Variants in PID1 observed in about 807,000 individuals in gnomAD.
PID1 encodes PTB-containing, cubilin and LRP1-interacting protein.
Under a neutral mutation model 19.1 loss-of-function variants are expected in PID1, and 10 were observed. The observed-to-expected ratio is 0.52, with a 90% CI of 0.32 to 0.89. The LOEUF is 0.89. PID1 is among the 40% of genes least tolerant of loss of function. The probability of loss-of-function intolerance (pLI) is 0.03; values close to 1 mark genes in which losing one functional copy is unlikely to be tolerated. For synonymous variants in PID1, 130 were observed against 116.0 expected (o/e 1.12, Z -0.78); for missense variants, 248 against 285.3 (o/e 0.87, Z 0.94).
chr2:229,157,337 G>C lies in PID1; in HGVS notation c.31-1373C>G, dbSNP rs370790663. Among the ~76,000 whole-genome samples the C allele has an allele frequency of 2.1e-4, 32 of 152,008 alleles. No homozygotes were observed. In the South Asian group the frequency reaches 5.0e-3, roughly 24 times the overall value. ...CCTAGCTACTTGGGAAGCTGAGGCA[G>C]GAGAATCGCTTGAACCTGGGAGGCG... On this transcript the variant is annotated intron_variant, in intron 1 of 2. Transcript: ENST00000392055.
intron 2 of PID1, among the ~76,000 whole-genome samples, chr2:229,137,730 C>G (rs1689885523): frequency 1.3e-5 from 2 of 152,180 alleles, no homozygotes; most frequent in Admixed American, 1.3e-4. Context: ...GCATCTGCTT[C>G]AATTATGCAT....
intron 1 of PID1, among the ~76,000 whole-genome samples, chr2:229,190,650 G>T (rs886186053): frequency 1.3e-5 from 2 of 152,252 alleles, no homozygotes; most frequent in Admixed American, 6.5e-5. Flanking sequence ...ACAGCTCATA[G>T]TTGACTGCTG....
At chr2:229,226,992 T>C (rs1480079425) in intron 1 of PID1, among the ~76,000 whole-genome samples, 2 of 152,188 alleles carry the variant, frequency 1.3e-5, no homozygotes, top group African/African-American at 2.4e-5. Flanking sequence ...CCATGCAAAA[T>C]TTTCAAGAAG....
At chr2:229,247,921 T>G (rs891326071) in intron 1 of PID1, among the ~76,000 whole-genome samples, 1 of 152,188 alleles carries the variant, frequency 6.6e-6, no homozygotes, top group Admixed American at 6.5e-5. Context: ...TCATTCTCAC[T>G]TATTCACTTT....
At chr2:229,270,869 A>G (rs1381606364) in intron 1 of PID1, 145 bp downstream of exon 1, 1 of 664,182 alleles carries the variant, frequency 1.5e-6, no homozygotes, top group Non-Finnish European at 2.5e-6. Flanking sequence ...GGCGCTGGGT[A>G]AACCGACAGC....
Position 229,116,015 on chromosome 2 carries a change from T to C in PID1, c.177+39803A>G, listed in dbSNP as rs1336558368. Among the ~76,000 whole-genome samples, 4 of 151,896 alleles carry C rather than the reference T, an allele frequency of 2.6e-5. No homozygotes were observed. In the East Asian group the frequency reaches 7.7e-4, roughly 29 times the overall value. On this transcript the variant is annotated intron_variant, in intron 2 of 2. Coordinates refer to ENST00000392055, the MANE Select transcript of PID1 (RefSeq NM_001100818.2). The stretch of plus-strand genomic sequence containing the variant: ...GTGGGCAGATCACGAGTTCAGGAGA[T>C]GGAGACGACCATCCTGGCTAACACG...
chr2:229,168,687 CA>C, intron 1 of PID1, among the ~76,000 whole-genome samples: 1 of 152,022 alleles, frequency 6.6e-6, no homozygotes, highest in South Asian at 2.1e-4. Flanking sequence ...CTGGTTCTAT[CA>C]ACAGCTTTTT....
intron 1 of PID1, among the ~76,000 whole-genome samples, chr2:229,180,619 G>A (rs1690919658): frequency 6.6e-6 from 1 of 152,188 alleles, no homozygotes; most frequent in Non-Finnish European, 1.5e-5. Flanking sequence ...CACCTAGCAA[G>A]CCCTCTGAAG....
intron 2 of PID1, among the ~76,000 whole-genome samples, chr2:229,091,026 T>G (rs1004959714): frequency 6.6e-6 from 1 of 152,204 alleles, no homozygotes; most frequent in African/African-American, 2.4e-5. Context: ...TTCTCTCTGT[T>G]TCTCCTGTGT....
chr2:229,030,953 C>T (rs1427702876), intron 2 of PID1, among the ~76,000 whole-genome samples: 8 of 152,148 alleles, frequency 5.3e-5, no homozygotes, highest in Admixed American at 1.3e-4. Flanking sequence ...TGCAGTGGCT[C>T]ACACCTATAA....
At chr2:229,054,797 T>C (rs1574590026) in intron 2 of PID1, among the ~76,000 whole-genome samples, 1 of 151,808 alleles carries the variant, frequency 6.6e-6, no homozygotes, top group East Asian at 1.9e-4. Flanking sequence ...AATCTGCTTT[T>C]TGGATTTTCC....
At chr2:229,132,887 C>T (rs1040698767) in intron 2 of PID1, among the ~76,000 whole-genome samples, 2 of 152,028 alleles carry the variant, frequency 1.3e-5, no homozygotes, top group African/African-American at 4.8e-5. Flanking sequence ...TCTAAATATG[C>T]TTTCATAAAT....
intron 2 of PID1, among the ~76,000 whole-genome samples, chr2:229,029,758 T>C (rs60651819): frequency 0.45 from 67,575 of 150,578 alleles, 15,222 homozygotes; most frequent in African/African-American, 0.5. Context: ...GAGAATCGCT[T>C]GAAACCGGGA....
At chr2:229,084,259 G>C (rs1411931170) in intron 2 of PID1, among the ~76,000 whole-genome samples, 1 of 152,142 alleles carries the variant, frequency 6.6e-6, no homozygotes, top group African/African-American at 2.4e-5. Flanking sequence ...AAGTCTTCTT[G>C]CTATTGGCCA....
chr2:229,141,871 C>T (rs546395538), intron 2 of PID1, among the ~76,000 whole-genome samples: 313 of 119,922 alleles, frequency 2.6e-3, no homozygotes, highest in Non-Finnish European at 3.2e-3. Flanking sequence ...TGCCAAGAAA[C>T]GAATGTATAT....
chr2:229,140,487 G>GCGCACA (rs1689989166), intron 2 of PID1, among the ~76,000 whole-genome samples: 1 of 151,120 alleles, frequency 6.6e-6, no homozygotes, highest in South Asian at 2.1e-4. Flanking sequence ...TTAAAAGAGT[G>GCGCACA]CACACACACA....
At position 229,161,706 on chromosome 2, in the gene PID1, C is replaced by T. The variant is rs1422165791; in HGVS notation, c.31-5742G>A. Among the ~76,000 whole-genome samples, 5 of 152,244 alleles carry T rather than the reference C, an allele frequency of 3.3e-5. No individual in the cohort carries two copies. In the East Asian group the frequency reaches 5.8e-4, roughly 18 times the overall value. On this transcript the variant is annotated intron_variant, in intron 1 of 2. Transcript: ENST00000392055. ...TATCCATATCTAAGACAAAGCCCTC[C>T]GAGGTACTGCCAAATGAAATGAATT...
chr2:229,160,167 T>C (rs1358194186), intron 1 of PID1, among the ~76,000 whole-genome samples: 2 of 152,204 alleles, frequency 1.3e-5, no homozygotes, highest in African/African-American at 4.8e-5. Flanking sequence ...GAAGTGGCCC[T>C]GCTTTCAGGA....
chr2:229,026,179 T>C (rs1574564114), intron 2 of PID1, 71 bp from the exon 3 acceptor site: 6 of 1,004,418 alleles, frequency 6.0e-6, no homozygotes, highest in Non-Finnish European at 9.3e-6. Context: ...ACTGAATGAG[T>C]AGCTGTTCCA....
Sources: gnomAD v4.1 joint callset for allele counts (sites outside exome capture counted in the v4.1 genomes callset) on GRCh38, gnomAD v4.1.1 for gene constraint, MANE v1.5 for transcripts, NCBI Gene and HGNC (gene_info 2026-07-23, HGNC 2026-07-21) for gene names.